Variants in RAP1A observed in about 807,000 individuals in gnomAD.
RAP1A encodes the protein ras-related protein Rap-1A.
Under a neutral mutation model 26.4 loss-of-function variants are expected in RAP1A, and 6 were observed. The ratio of observed to expected loss-of-function variants is 0.23; its 90% CI spans 0.12 to 0.45. The LOEUF (loss-of-function observed/expected upper bound fraction) is 0.45, where lower values mean the gene tolerates loss of function less well. RAP1A is among the 20% of genes least tolerant of loss of function. RAP1A has a pLI of 0.99. For missense variants in RAP1A, 121 were observed against 217.2 expected, an observed-to-expected ratio of 0.56 and a Z score of 2.78; for synonymous variants, 73 against 79.4, an observed-to-expected ratio of 0.92 and a Z score of 0.43.
intron 1 of RAP1A, among the ~76,000 whole-genome samples, chr1:111,647,260 G>C (rs535019326): frequency 6.6e-6 from 1 of 152,300 alleles, no homozygotes; most frequent in African/African-American, 2.4e-5. Context: ...AATGCCTGAT[G>C]ATCTGTTGCT....
At chr1:111,684,136 A>C (rs1056765562) in intron 1 of RAP1A, among the ~76,000 whole-genome samples, 13 of 152,222 alleles carry the variant, frequency 8.5e-5, no homozygotes, top group African/African-American at 3.1e-4. Flanking sequence ...AACTCTCAAT[A>C]AACTAGGTAC....
intron 1 of RAP1A, among the ~76,000 whole-genome samples, chr1:111,624,007 G>A (rs1659311323): frequency 6.6e-6 from 1 of 152,240 alleles, no homozygotes; most frequent in South Asian, 2.1e-4. Flanking sequence ...ATTTTAGTTG[G>A]TCAATGAAAA....
At chr1:111,546,665 C>G (rs778531137) in intron 1 of RAP1A, among the ~76,000 whole-genome samples, 1 of 152,144 alleles carries the variant, frequency 6.6e-6, no homozygotes, top group Non-Finnish European at 1.5e-5. Flanking sequence ...TTTATCAATT[C>G]ATCCATTGAT....
chr1:111,636,956 G>T (rs1366886375), intron 1 of RAP1A, among the ~76,000 whole-genome samples: 1 of 152,204 alleles, frequency 6.6e-6, no homozygotes, highest in Non-Finnish European at 1.5e-5. Context: ...GTGTGATGAT[G>T]TAAGTGTGCT....
At chr1:111,617,062 G>A (rs866043357), upstream of RAP1A, among the ~76,000 whole-genome samples, 18 of 152,174 alleles carry the variant, frequency 1.2e-4, no homozygotes, top group South Asian at 8.3e-4. Flanking sequence ...GTGTGTTTGC[G>A]CATGTGTGTG....
At chr1:111,664,285 A>T (rs905755015) in intron 1 of RAP1A, among the ~76,000 whole-genome samples, 1 of 150,466 alleles carries the variant, frequency 6.6e-6, no homozygotes, top group African/African-American at 2.4e-5. Context: ...AAGGCAGAAG[A>T]ATCGCTTGAA....
At chr1:111,582,406 T>C (rs1435600146) in intron 1 of RAP1A, among the ~76,000 whole-genome samples, 1 of 152,250 alleles carries the variant, frequency 6.6e-6, no homozygotes, top group Non-Finnish European at 1.5e-5. Context: ...TCCTCTGTTT[T>C]ACACTGTTTT....
At chr1:111,652,929 A>T (rs1001804665) in intron 1 of RAP1A, among the ~76,000 whole-genome samples, 2 of 152,264 alleles carry the variant, frequency 1.3e-5, no homozygotes, top group African/African-American at 4.8e-5. Context: ...CTAGGTATAT[A>T]CCCAAGAGAA....
At chr1:111,673,979 T>C (rs1429267463) in intron 1 of RAP1A, among the ~76,000 whole-genome samples, 1 of 152,208 alleles carries the variant, frequency 6.6e-6, no homozygotes, top group East Asian at 1.9e-4. Flanking sequence ...GCCATTTTAG[T>C]TGAGGAACAG....
rs150656368 is a variant in RAP1A at position 111,576,759 on chromosome 1, G to A, written c.-28+34250G>A. ...GTTGGTGCCAGCTTGGAGGCCACCT[G>A]ATCTCAATCAGACTCTAAAGTCATT... On this transcript the variant is annotated intron_variant, in intron 1 of 7. Transcript: ENST00000356415. 2.1e-3 allele frequency among the ~76,000 whole-genome samples: 327 copies of A among 152,284 alleles called. 2 individuals are homozygous for A. Among genetic ancestry groups the A allele is most frequent in the African/African-American group, 7.5e-3 (312 of 41,556 alleles).
At chr1:111,681,407 C>G (rs982452805) in intron 1 of RAP1A, among the ~76,000 whole-genome samples, 1 of 152,106 alleles carries the variant, frequency 6.6e-6, no homozygotes, top group Non-Finnish European at 1.5e-5. Context: ...CTCTTCCAAG[C>G]TAAAGTGCAT....
chr1:111,578,026 T>C (rs1658179660), intron 1 of RAP1A, among the ~76,000 whole-genome samples: 2 of 152,200 alleles, frequency 1.3e-5, no homozygotes, highest in Admixed American at 1.3e-4. Flanking sequence ...ATCAAGTATC[T>C]CAGGTGCTCT....
intron 1 of RAP1A, among the ~76,000 whole-genome samples, chr1:111,610,751 G>A (rs967890193): frequency 1.3e-5 from 2 of 152,182 alleles, no homozygotes; most frequent in African/African-American, 4.8e-5. Context: ...TAATCTTCCT[G>A]TAAGGCTGCA....
chr1:111,699,242 A>T (rs976887752), intron 4 of RAP1A, among the ~76,000 whole-genome samples: 1 of 152,034 alleles, frequency 6.6e-6, no homozygotes, highest in Non-Finnish European at 1.5e-5. Flanking sequence ...ATTCTTAGTG[A>T]TTTTACTATC....
chr1:111,648,228 T>C, intron 1 of RAP1A: 1 of 450,604 alleles, frequency 2.2e-6, no homozygotes, highest in East Asian at 5.3e-5. Flanking sequence ...TGACTTCCAG[T>C]GACCTTTGAA....
At chr1:111,707,193 A>C (rs937057572) in intron 6 of RAP1A, among the ~76,000 whole-genome samples, 15 of 152,166 alleles carry the variant, frequency 9.9e-5, no homozygotes, top group Admixed American at 1.3e-4. Context: ...TAAATGAGTC[A>C]CTTTTGTAGC....
chr1:111,548,089 C>T (rs551312377), intron 1 of RAP1A, among the ~76,000 whole-genome samples: 3 of 152,292 alleles, frequency 2.0e-5, no homozygotes, highest in African/African-American at 7.2e-5. Context: ...GGCACAATCT[C>T]GGCTCACTGC....
chr1:111,688,822 G>GTTTTTTTTTTTTTTTTTTTTT (rs767753356), intron 1 of RAP1A, among the ~76,000 whole-genome samples: 11 of 90,104 alleles, frequency 1.2e-4, no homozygotes, highest in Non-Finnish European at 1.6e-4. Flanking sequence ...TTTTTTTTTT[G>GTTTTTTTTTTTTTTTTTTTTT]TTTTTTTTTT....
chr1:111,656,116 T>G (rs531888590), intron 1 of RAP1A, among the ~76,000 whole-genome samples: 45 of 152,168 alleles, frequency 3.0e-4, no homozygotes, highest in Non-Finnish European at 5.3e-4. Flanking sequence ...AGAAAACACT[T>G]TGACATGCCC....
Sources: gnomAD v4.1 joint callset for allele counts (sites outside exome capture counted in the v4.1 genomes callset) on GRCh38, gnomAD v4.1.1 for gene constraint, MANE v1.5 for transcripts, NCBI Gene and HGNC (gene_info 2026-07-23, HGNC 2026-07-21) for gene names.